Variants in CWC27 observed in about 807,000 individuals in gnomAD.
CWC27 encodes CWC27 spliceosome associated cyclophilin.
In CWC27, 47 loss-of-function variants were observed where a neutral mutation model predicts 63.6. The ratio of observed to expected loss-of-function variants is 0.74; its 90% CI spans 0.58 to 0.94. The LOEUF (loss-of-function observed/expected upper bound fraction) is 0.94. CWC27 is among the 40% of genes least tolerant of loss of function. The probability of loss-of-function intolerance (pLI) is 0.00; values close to 1 mark genes in which losing one functional copy is unlikely to be tolerated. For synonymous variants in CWC27, 175 were observed against 179.8 expected (o/e 0.97, Z 0.22); for missense variants, 495 against 554.3 (o/e 0.89, Z 1.07).
Position 64,801,402 on chromosome 5 carries a change from T to A in CWC27, c.780+70T>A, listed in dbSNP as rs1744482165. 3 of 1,173,400 alleles carry A rather than the reference T, an allele frequency of 2.6e-6. No homozygotes were observed. The South Asian group carries it at 5.6e-5, about 22-fold the overall frequency. The allele number at this position is 1,173,400 out of a possible 1,614,324, so 72.7% of individuals were successfully genotyped here. On this transcript the variant is annotated intron_variant, in intron 9 of 13. Transcript: ENST00000381070. Reference sequence around the variant, plus strand: ...AAAGTACAAAATTTTTACAAAAACTTAATTTTGTTCTTAAAAAGTAACGTA... The same window carrying A: ...AAAGTACAAAATTTTTACAAAAACTAAATTTTGTTCTTAAAAAGTAACGTA...
rs1439367200 is a variant in CWC27 at position 64,937,323 on chromosome 5, CT to C, written c.1043-34378del. ...CTTTGTTTTCATTGGTTTCAAAGAA[CT>C]TATTTATTTCCACCTTAATTTTGTT... On this transcript the variant is annotated intron_variant, in intron 11 of 13. Transcript: ENST00000381070. Among the ~76,000 whole-genome samples the C allele has an allele frequency of 2.0e-5, 3 of 152,140 alleles. No individual in the cohort carries two copies. The South Asian group carries it at 6.2e-4, about 32-fold the overall frequency.
intron 11 of CWC27, among the ~76,000 whole-genome samples, chr5:64,963,374 G>C (rs1373276681): frequency 1.3e-5 from 2 of 152,148 alleles, no homozygotes; most frequent in Non-Finnish European, 2.9e-5. Context: ...AGAAAATATA[G>C]TTATTAAATT....
intron 10 of CWC27, among the ~76,000 whole-genome samples, chr5:64,842,081 A>G (rs569687134): frequency 6.6e-6 from 1 of 152,332 alleles, no homozygotes; most frequent in East Asian, 1.9e-4. Context: ...TTAATAGAAT[A>G]TAGCCATTCT....
chr5:64,992,755 G>A (rs973784223), intron 13 of CWC27, among the ~76,000 whole-genome samples: 1 of 149,674 alleles, frequency 6.7e-6, no homozygotes, highest in Non-Finnish European at 1.5e-5. Context: ...GGATGGTCTC[G>A]ATCTCCTGAC....
Position 64,958,557 on chromosome 5 carries a change from C to G in CWC27, c.1043-13146C>G, listed in dbSNP as rs116346894. ...AATATATAAAACTCCTAGATATGAA[C>G]TCATATATTCACAAGCTACCCTTCT... On this transcript the variant is annotated intron_variant, in intron 11 of 13. Transcript: ENST00000381070. Among the ~76,000 whole-genome samples the G allele has an allele frequency of 5.6e-3, 857 of 152,192 alleles. 1 individual carries two copies. The highest frequency in any genetic ancestry group is 8.8e-3 in the Non-Finnish European group (598 of 67,994).
intron 10 of CWC27, among the ~76,000 whole-genome samples, chr5:64,878,496 A>AAAAAAAAAAAAAAAAC (rs1746852187): frequency 6.8e-6 from 1 of 146,050 alleles, no homozygotes; most frequent in Non-Finnish European, 1.5e-5. Flanking sequence ...AAAAAAAAAA[A>AAAAAAAAAAAAAAAAC]AAAAGCACCT....
intron 2 of CWC27, among the ~76,000 whole-genome samples, chr5:64,776,068 C>CGAGAGAGAGAGAGAGAGAGAGAGAGAGA (rs70983650): frequency 1.8e-5 from 2 of 108,556 alleles, no homozygotes; most frequent in African/African-American, 7.5e-5. Flanking sequence ...AGGAGTGGAG[C>CGAGAGAGAGAGAGAGAGAGAGAGAGAGA]GAGAGAGAGA....
intron 10 of CWC27, among the ~76,000 whole-genome samples, chr5:64,874,666 A>G (rs1460420857): frequency 6.6e-6 from 1 of 152,068 alleles, no homozygotes; most frequent in Non-Finnish European, 1.5e-5. Context: ...TCCTGAGACC[A>G]GTAACTCAGA....
intron 13 of CWC27, among the ~76,000 whole-genome samples, chr5:64,986,017 A>T (rs1004947425): frequency 6.6e-6 from 1 of 152,132 alleles, no homozygotes; most frequent in Non-Finnish European, 1.5e-5. Flanking sequence ...TGTTCTCATG[A>T]TAATGAGTGA....
intron 13 of CWC27, among the ~76,000 whole-genome samples, chr5:65,000,231 A>G (rs903822317): frequency 6.6e-6 from 1 of 152,092 alleles, no homozygotes; most frequent in Non-Finnish European, 1.5e-5. Flanking sequence ...TATTCTGGAT[A>G]TCAGTACCTT....
intron 11 of CWC27, among the ~76,000 whole-genome samples, chr5:64,924,943 T>C (rs1748076280): frequency 1.4e-5 from 2 of 146,492 alleles, no homozygotes; most frequent in Admixed American, 1.4e-4. Context: ...TCTTTCCCTC[T>C]CTGTCTTTCT....
At chr5:64,900,281 T>C (rs575315653) in intron 11 of CWC27, among the ~76,000 whole-genome samples, 1 of 152,204 alleles carries the variant, frequency 6.6e-6, no homozygotes, top group Non-Finnish European at 1.5e-5. Context: ...CAGTGTTACT[T>C]TGTGGTTTTG....
intron 7 of CWC27, among the ~76,000 whole-genome samples, chr5:64,792,930 TAATTTTGATTTATTATACAATACTGAAA>T (rs1456930147): frequency 8.5e-5 from 13 of 152,236 alleles, no homozygotes; most frequent in African/African-American, 3.1e-4. Flanking sequence ...GATATAGTTT[TAATTTTGATTTATTATACAATACTGAAA>T]AATGTCTTTG....
chr5:64,866,208 T>C lies in CWC27; in HGVS notation c.939-19235T>C, dbSNP rs143420846. On this transcript the variant is annotated intron_variant, in intron 10 of 13. Coordinates refer to ENST00000381070, the MANE Select transcript of CWC27 (RefSeq NM_005869.4). ...TATGTGTACACATACTTTGCTGATATGATTTGAACGTATGATTCAGAAACC... is the reference window on the plus strand; with the variant it reads ...TATGTGTACACATACTTTGCTGATACGATTTGAACGTATGATTCAGAAACC... Among the ~76,000 whole-genome samples, 440 of 152,204 alleles carry C rather than the reference T, an allele frequency of 2.9e-3. 5 individuals are homozygous for C. The highest frequency in any genetic ancestry group is 1.0e-2 in the African/African-American group (415 of 41,568).
rs1337762089 is a variant in CWC27 at position 64,774,788 on chromosome 5, G to GTAAAT, written c.139+3_139+4insAATTA. Reference sequence around the variant, plus strand: ...AATTTTATCCAACTTTGTTTGGAAGGTATGTTGACTTTTATTCTACTGGAG... The same window carrying GTAAAT: ...AATTTTATCCAACTTTGTTTGGAAGGTAAATTATGTTGACTTTTATTCTACTGGAG... On this transcript the variant is annotated splice_donor_variant, in intron 2 of 13. Transcript: ENST00000381070. LOFTEE classifies it high-confidence loss of function. 1.3e-6 allele frequency: 2 copies of GTAAAT among 1,487,204 alleles called. No individual in the cohort carries two copies. Among genetic ancestry groups the GTAAAT allele is most frequent in the African/African-American group, 1.6e-5 (1 of 61,602 alleles). The allele number at this position is 1,487,204 out of a possible 1,614,324, so 92.1% of individuals were successfully genotyped here.
chr5:64,988,166 G>A (rs1405197118), intron 13 of CWC27, among the ~76,000 whole-genome samples: 2 of 152,010 alleles, frequency 1.3e-5, no homozygotes, highest in Non-Finnish European at 2.9e-5. Flanking sequence ...ACTTTTATTT[G>A]TATTTATTTT....
rs1744581272 is a variant in CWC27, at chr5:64,804,231, T to C, written c.783T>C (p.Asp261=). ...EKGDAPDLVD[D]GEDESAEHDE... is the part of the protein sequence containing the mutation. ...ATACTCATTTTCCATTTCTACAGGA[T>C]GGAGAAGATGAAAGTGCAGAGCATG... Residue 261 remains aspartate (D), a splice_region_variant and synonymous_variant, in exon 10 of 14, where the codon GAT becomes GAC. Transcript: ENST00000381070. 6.2e-7 allele frequency: 1 copy of C among 1,601,194 alleles called. No individual in the cohort carries two copies. The highest frequency in any genetic ancestry group is 1.1e-5 in the South Asian group (1 of 89,068).
chr5:64,975,939 G>A (rs896804304), intron 12 of CWC27, among the ~76,000 whole-genome samples: 16 of 152,114 alleles, frequency 1.1e-4, no homozygotes, highest in African/African-American at 3.9e-4. Flanking sequence ...ATGGTGGCAC[G>A]TGCCTGTGGT....
chr5:64,995,220 C>T (rs1016764768), intron 13 of CWC27, among the ~76,000 whole-genome samples: 4 of 152,090 alleles, frequency 2.6e-5, no homozygotes, highest in Admixed American at 1.3e-4. Context: ...GATCCGCCCA[C>T]GTCAGCCTCC....
Sources: gnomAD v4.1 joint callset for allele counts (sites outside exome capture counted in the v4.1 genomes callset) on GRCh38, gnomAD v4.1.1 for gene constraint, MANE v1.5 for transcripts, NCBI Gene and HGNC (gene_info 2026-07-23, HGNC 2026-07-21) for gene names.